Variants in PRTFDC1 observed in about 807,000 individuals in gnomAD.
PRTFDC1 encodes phosphoribosyl transferase domain containing 1, also known as phosphoribosyltransferase domain-containing protein 1.
Under a neutral mutation model 34.6 loss-of-function variants are expected in PRTFDC1, and 38 were observed. The ratio of observed to expected loss-of-function variants is 1.10; its 90% CI spans 0.85 to 1.44. The LOEUF (loss-of-function observed/expected upper bound fraction) is 1.44, where lower values mean the gene tolerates loss of function less well. Ranked by LOEUF, PRTFDC1 falls within the 40% of genes most tolerant of loss-of-function variation. The pLI, the probability that PRTFDC1 is intolerant of heterozygous loss-of-function variation, is 0.00. For synonymous variants in PRTFDC1, 93 were observed against 98.1 expected (o/e 0.95, Z 0.31); for missense variants, 270 against 283.0 (o/e 0.95, Z 0.33).
chr10:24,860,671 G>A (rs1018211573), intron 4 of PRTFDC1, among the ~76,000 whole-genome samples: 38 of 151,944 alleles, frequency 2.5e-4, no homozygotes, highest in African/African-American at 7.5e-4. Flanking sequence ...GGCATGCCAC[G>A]TTACCCTCCA....
At chr10:24,885,772 A>T (rs7096011) in intron 3 of PRTFDC1, among the ~76,000 whole-genome samples, 113,381 of 152,168 alleles carry the variant, frequency 0.75, 43,176 homozygotes, top group Non-Finnish European at 0.83. Context: ...TGAATGGATG[A>T]ATGAGCTATG....
In PRTFDC1 at chr10:24,872,806, A is replaced by AT. The variant is rs66588467; in HGVS notation, c.340-744dup. 4.0e-3 allele frequency among the ~76,000 whole-genome samples: 472 copies of AT among 117,610 alleles called. 21 individuals carry two copies. The highest frequency in any genetic ancestry group is 0.015 in the East Asian group (62 of 4,138). 77.2% of individuals were successfully genotyped at this position (117,610 alleles called of 152,430 possible). A position where few individuals can be genotyped will look rare whatever the true frequency, so the allele number is the denominator to read the frequency against. On this transcript the variant is annotated intron_variant, in intron 3 of 8. Transcript: ENST00000320152. Reference sequence around the variant, plus strand: ...TGTGTGTGTATATATATATATATATATTTTTTTTTTTTTTTTTTTTTGAGA... The same window carrying AT: ...TGTGTGTGTATATATATATATATATATTTTTTTTTTTTTTTTTTTTTTGAGA...
intron 3 of PRTFDC1, among the ~76,000 whole-genome samples, chr10:24,904,831 C>T (rs1000541425): frequency 6.6e-6 from 1 of 152,188 alleles, no homozygotes; most frequent in Non-Finnish European, 1.5e-5. Flanking sequence ...CACCTTCAAC[C>T]CCATTTCATA....
chr10:24,951,221 C>T (rs1849337369), intron 1 of PRTFDC1, among the ~76,000 whole-genome samples: 1 of 152,044 alleles, frequency 6.6e-6, no homozygotes. Flanking sequence ...AAAAGCATCA[C>T]TCCCCCCTTC....
intron 5 of PRTFDC1, 116 bp downstream of exon 5, chr10:24,858,276 T>A: frequency 9.3e-7 from 1 of 1,071,632 alleles, no homozygotes; most frequent in Non-Finnish European, 1.4e-6. Flanking sequence ...TTGGAGAGCA[T>A]GCACCCAGTG....
intron 1 of PRTFDC1, among the ~76,000 whole-genome samples, chr10:24,949,043 A>C (rs1849295914): frequency 6.6e-6 from 1 of 151,764 alleles, no homozygotes; most frequent in Admixed American, 6.6e-5. Flanking sequence ...AGCACACTAG[A>C]CCTCCCTTAC....
At chr10:24,894,111 C>CACG (rs996131945) in intron 3 of PRTFDC1, among the ~76,000 whole-genome samples, 4 of 152,138 alleles carry the variant, frequency 2.6e-5, no homozygotes, top group Admixed American at 1.3e-4. Flanking sequence ...GGTGGGGGAC[C>CACG]ACGAGGTCAG....
chr10:24,900,574 G>T (rs2132552581), intron 3 of PRTFDC1, among the ~76,000 whole-genome samples: 1 of 152,246 alleles, frequency 6.6e-6, no homozygotes, highest in East Asian at 1.9e-4. Context: ...TTTGTGAAAG[G>T]ATAACTTGCT....
chr10:24,871,973 T>TCTGA, intron 4 of PRTFDC1, 25 bp downstream of exon 4: 3 of 1,586,886 alleles, frequency 1.9e-6, no homozygotes. Context: ...CTCAATGCGG[T>TCTGA]CTGAGCACAG....
Position 24,849,896 on chromosome 10 carries a change from A to G in PRTFDC1, c.631-5T>C. On this transcript the variant is annotated splice_region_variant and splice_polypyrimidine_tract_variant and intron_variant, in intron 8 of 8. Coordinates refer to ENST00000320152, the MANE Select transcript of PRTFDC1 (RefSeq NM_020200.7). Reference sequence around the variant, plus strand: ...CTCATTGATGACGCATATGTGCTGAAACAATAAAGGATTTAAACGCATCAG... The same window carrying G: ...CTCATTGATGACGCATATGTGCTGAGACAATAAAGGATTTAAACGCATCAG... 1 of 1,613,908 alleles carries G rather than the reference A, an allele frequency of 6.2e-7. No individual in the cohort carries two copies. The highest frequency in any genetic ancestry group is 8.5e-7 in the Non-Finnish European group (1 of 1,179,878).
At position 24,902,222 on chromosome 10, in the gene PRTFDC1, C is replaced by T. The variant is rs113957884; in HGVS notation, c.340-30159G>A. 6.1e-3 allele frequency among the ~76,000 whole-genome samples: 929 copies of T among 151,858 alleles called. 11 individuals carry two copies. Among genetic ancestry groups the T allele is most frequent in the African/African-American group, 0.022 (895 of 41,444 alleles). ...ATTTTTTTTTTTTCTCCTTAATCTT[C>T]CAACTGCTCTTTTGCAAAGCAGCAA... is the stretch of plus-strand genomic sequence containing the variant. On this transcript the variant is annotated intron_variant, in intron 3 of 8. Transcript: ENST00000320152.
chr10:24,935,237 A>T (rs1174046410), intron 3 of PRTFDC1, among the ~76,000 whole-genome samples: 1 of 152,220 alleles, frequency 6.6e-6, no homozygotes, highest in Non-Finnish European at 1.5e-5. Context: ...AAAAAATGTT[A>T]ACAGGTTTTT....
chr10:24,944,935 C>A (rs1446773732), intron 1 of PRTFDC1, among the ~76,000 whole-genome samples: 1 of 152,012 alleles, frequency 6.6e-6, no homozygotes, highest in Non-Finnish European at 1.5e-5. Flanking sequence ...TCCTGGCACT[C>A]TTCCTCTTCC....
In PRTFDC1 at chr10:24,947,630, A is replaced by T. The variant is rs904667036; in HGVS notation, c.48+4898T>A. On this transcript the variant is annotated intron_variant, in intron 1 of 8. Transcript: ENST00000320152. Reference sequence around the variant, plus strand: ...AAAACTTTGTAAGTCATTAAAAATAATTTTTTTTGTGCTTAGACTATTTTT... The same window carrying T: ...AAAACTTTGTAAGTCATTAAAAATATTTTTTTTTGTGCTTAGACTATTTTT... 2.6e-5 allele frequency among the ~76,000 whole-genome samples: 4 copies of T among 151,762 alleles called. No homozygotes were observed. The South Asian group carries it at 8.3e-4, about 32-fold the overall frequency.
chr10:24,849,946 G>C lies in PRTFDC1; in HGVS notation c.631-55C>G. The stretch of plus-strand genomic sequence containing the variant: ...GTTTCTTAACAAAATATGAGACACA[G>C]AAAAGGTGATGCAGTAATAACCGAA... On this transcript the variant is annotated intron_variant, in intron 8 of 8. Coordinates refer to ENST00000320152, the MANE Select transcript of PRTFDC1 (RefSeq NM_020200.7). 3 of 1,551,972 alleles carry C rather than the reference G, an allele frequency of 1.9e-6. No individual in the cohort carries two copies. In the South Asian group the frequency reaches 3.3e-5, roughly 17 times the overall value.
At chr10:24,917,333 A>G (rs1327124739) in intron 3 of PRTFDC1, among the ~76,000 whole-genome samples, 2 of 152,106 alleles carry the variant, frequency 1.3e-5, no homozygotes, top group Non-Finnish European at 2.9e-5. Flanking sequence ...TGGTGGGGGT[A>G]GGGATGGTTG....
intron 4 of PRTFDC1, among the ~76,000 whole-genome samples, chr10:24,870,118 A>T (rs143683749): frequency 6.2e-4 from 94 of 152,078 alleles, no homozygotes; most frequent in African/African-American, 2.0e-3. Context: ...TATTATTATT[A>T]TTTTTTTAAG....
At position 24,880,775 on chromosome 10, in the gene PRTFDC1, C is replaced by T. The variant is rs532308889; in HGVS notation, c.340-8712G>A. ...GTCTGATGTTTACACTGAGCCATTG[C>T]GTGGGCAAAATTTCCATCATTCCAC... is the stretch of plus-strand genomic sequence containing the variant. On this transcript the variant is annotated intron_variant, in intron 3 of 8. Transcript: ENST00000320152. Among the ~76,000 whole-genome samples the T allele has an allele frequency of 4.6e-5, 7 of 152,238 alleles. No homozygotes were observed. In the East Asian group the frequency reaches 5.8e-4, roughly 13 times the overall value.
chr10:24,936,208 GT>G (rs1564318338), intron 3 of PRTFDC1, among the ~76,000 whole-genome samples: 1 of 152,086 alleles, frequency 6.6e-6, no homozygotes, highest in Admixed American at 6.5e-5. Flanking sequence ...TATTTTTAAT[GT>G]TTTACTATGC....
Sources: allele counts gnomAD v4.1 joint callset (sites outside exome capture counted in the v4.1 genomes callset), GRCh38; gene constraint gnomAD v4.1.1; transcripts MANE v1.5; gene names NCBI Gene and HGNC (gene_info 2026-07-23, HGNC 2026-07-21).